MYLK: variants seen among roughly 807,000 people sequenced by gnomAD.
MYLK encodes myosin light chain kinase, smooth muscle.
In MYLK, 106 loss-of-function variants were observed where a neutral mutation model predicts 203.4. The observed-to-expected ratio is 0.52, with a 90% CI of 0.45 to 0.61. The LOEUF is 0.61. Among genes scored for constraint, MYLK ranks in the 20% least tolerant of loss-of-function variants. The probability of loss-of-function intolerance (pLI) is 0.00; values close to 1 mark genes in which losing one functional copy is unlikely to be tolerated. For missense variants in MYLK, 2,072 were observed against 2,442.3 expected (o/e 0.85, Z 3.20); for synonymous variants, 867 against 959.5 (o/e 0.90, Z 1.78).
chr3:123,624,965 T>G (rs191361405), intron 31 of MYLK: 2 of 152,346 alleles, frequency 1.3e-5, no homozygotes, highest in Non-Finnish European at 2.9e-5. Flanking sequence ...ATGACCAGTG[T>G]TCCAGTTGCC....
chr3:123,734,251 T>TGGTGGGGGGGGGGTTGGGGG, intron 9 of MYLK, 29 bp from the exon 10 acceptor site: 1 of 448,436 alleles, frequency 2.2e-6, no homozygotes, highest in Non-Finnish European at 3.9e-6. Flanking sequence ...GGGGGTAGGG[T>TGGTGGGGGGGGGGTTGGGGG]GGGTGAGGAG....
chr3:123,744,613 A>G (rs541946252), intron 5 of MYLK, among the ~76,000 whole-genome samples: 1 of 152,204 alleles, frequency 6.6e-6, no homozygotes, highest in Non-Finnish European at 1.5e-5. Context: ...AAATTATCAC[A>G]GTAAAATTTA....
intron 23 of MYLK, among the ~76,000 whole-genome samples, chr3:123,663,515 A>G (rs769519929): frequency 6.6e-6 from 1 of 152,080 alleles, no homozygotes; most frequent in Non-Finnish European, 1.5e-5. Flanking sequence ...GAGAGAGAAC[A>G]TTGCAGGAGT....
intron 4 of MYLK, among the ~76,000 whole-genome samples, chr3:123,756,789 G>A (rs948696065): frequency 3.3e-5 from 5 of 152,212 alleles, no homozygotes; most frequent in African/African-American, 4.8e-5. Context: ...GGAGAGAATC[G>A]CATTCTTGAC....
intron 28 of MYLK, among the ~76,000 whole-genome samples, chr3:123,639,635 C>T (rs924782797): frequency 6.6e-6 from 1 of 152,180 alleles, no homozygotes; most frequent in African/African-American, 2.4e-5. Flanking sequence ...ACCCTGACCG[C>T]CTACCCCTGT....
chr3:123,856,228 T>A (rs1021710879), intron 2 of MYLK, among the ~76,000 whole-genome samples: 2 of 152,190 alleles, frequency 1.3e-5, no homozygotes, highest in African/African-American at 4.8e-5. Flanking sequence ...GAACGCTTTG[T>A]TGCCTGTGAG....
chr3:123,663,356 G>A (rs570692214), intron 23 of MYLK, among the ~76,000 whole-genome samples: 51 of 152,130 alleles, frequency 3.4e-4, no homozygotes, highest in African/African-American at 1.2e-3. Context: ...AGGATTGGGA[G>A]GTCATGGTGA....
chr3:123,747,845 C>T (rs1451553326), intron 5 of MYLK, among the ~76,000 whole-genome samples: 1 of 152,152 alleles, frequency 6.6e-6, no homozygotes, highest in Non-Finnish European at 1.5e-5. Flanking sequence ...TGAAGTGACT[C>T]TCTGGTCCTT....
At chr3:123,842,155 ACC>A (rs1315033903) in intron 2 of MYLK, among the ~76,000 whole-genome samples, 1 of 152,116 alleles carries the variant, frequency 6.6e-6, no homozygotes, top group Non-Finnish European at 1.5e-5. Context: ...CATAAGATGA[ACC>A]TAGAAAACAC....
chr3:123,778,005 A>G (rs2064141314), intron 4 of MYLK, among the ~76,000 whole-genome samples: 1 of 152,136 alleles, frequency 6.6e-6, no homozygotes, highest in African/African-American at 2.4e-5. Flanking sequence ...TCTGTATGCT[A>G]TTCTTACCCC....
At chr3:123,658,593 A>G (rs908556705) in intron 23 of MYLK, among the ~76,000 whole-genome samples, 1 of 152,150 alleles carries the variant, frequency 6.6e-6, no homozygotes, top group Non-Finnish European at 1.5e-5. Context: ...AGCTATGTCA[A>G]CCCCAGCAAA....
At chr3:123,692,982 C>G in intron 18 of MYLK, 131 bp from the exon 19 acceptor site, 1 of 770,328 alleles carries the variant, frequency 1.3e-6, no homozygotes, top group African/African-American at 1.7e-5. Context: ...CTTGTGGGAA[C>G]CAATCCCCCA....
intron 5 of MYLK, among the ~76,000 whole-genome samples, chr3:123,751,447 T>C (rs1375027440): frequency 6.6e-6 from 1 of 152,254 alleles, no homozygotes; most frequent in Non-Finnish European, 1.5e-5. Context: ...GTTTTTGCAA[T>C]TACTTTTAAC....
chr3:123,854,881 T>C (rs1017352561), intron 2 of MYLK, among the ~76,000 whole-genome samples: 2 of 152,206 alleles, frequency 1.3e-5, no homozygotes, highest in African/African-American at 2.4e-5. Context: ...CTAGGTATAG[T>C]ATTTTAGGGT....
At chr3:123,620,659 C>T in intron 31 of MYLK, 4 of 1,110,188 alleles carry the variant, frequency 3.6e-6, no homozygotes, top group Non-Finnish European at 4.4e-6. Flanking sequence ...TTATATAAAG[C>T]AACTGCAGGC....
intron 13 of MYLK, among the ~76,000 whole-genome samples, chr3:123,720,082 T>A (rs1270219079): frequency 6.6e-6 from 1 of 152,244 alleles, no homozygotes. Context: ...TGAGCCTGTC[T>A]GGTCTTTATA....
chr3:123,871,279 A>T (rs1399546040), intron 2 of MYLK, among the ~76,000 whole-genome samples: 2 of 152,210 alleles, frequency 1.3e-5, no homozygotes, highest in Admixed American at 6.5e-5. Context: ...ACTTTAGCAA[A>T]CTAGAAAAGG....
At chr3:123,827,487 G>T (rs1183598200) in intron 3 of MYLK, among the ~76,000 whole-genome samples, 1 of 151,444 alleles carries the variant, frequency 6.6e-6, no homozygotes, top group Non-Finnish European at 1.5e-5. Flanking sequence ...GGCCAGGAAA[G>T]AATAGAATTT....
At chr3:123,834,348 A>G (rs995498469) in intron 2 of MYLK, among the ~76,000 whole-genome samples, 8 of 152,170 alleles carry the variant, frequency 5.3e-5, no homozygotes, top group African/African-American at 1.9e-4. Context: ...GCCCAGCCTC[A>G]GAGTTTGGTA....
Sources: allele counts gnomAD v4.1 joint callset (sites outside exome capture counted in the v4.1 genomes callset), GRCh38; gene constraint gnomAD v4.1.1; transcripts MANE v1.5; gene names NCBI Gene and HGNC (gene_info 2026-07-23, HGNC 2026-07-21).